Variants in CACNA2D1 observed in about 807,000 individuals in gnomAD.
CACNA2D1 encodes the protein calcium voltage-gated channel auxiliary subunit alpha2delta 1.
In CACNA2D1, 53 loss-of-function variants were observed where a neutral mutation model predicts 171.5. That is an observed-to-expected ratio of 0.31 (90% confidence interval 0.25 to 0.39). CACNA2D1 has a LOEUF of 0.39. Among genes scored for constraint, CACNA2D1 ranks in the 10% least tolerant of loss-of-function variants. The pLI is 1.00. For synonymous variants in CACNA2D1, 442 were observed against 443.1 expected, an observed-to-expected ratio of 1.00 and a Z score of 0.03; for missense variants, 903 against 1,299.8, an observed-to-expected ratio of 0.69 and a Z score of 4.69.
At chr7:82,222,328 C>T (rs531546337) in intron 3 of CACNA2D1, among the ~76,000 whole-genome samples, 1 of 152,304 alleles carries the variant, frequency 6.6e-6, no homozygotes, top group East Asian at 1.9e-4. Context: ...GAGACCGGGG[C>T]AGCCAGAAAG....
intron 4 of CACNA2D1, among the ~76,000 whole-genome samples, chr7:82,146,463 A>AAGATATGTATTT (rs1563116492): frequency 8.3e-6 from 1 of 120,326 alleles, no homozygotes; most frequent in Non-Finnish European, 1.8e-5. Flanking sequence ...GATATATATA[A>AAGATATGTATTT]ATATATATCT....
chr7:82,332,241 T>C (rs1195696765), intron 3 of CACNA2D1, among the ~76,000 whole-genome samples: 1 of 152,066 alleles, frequency 6.6e-6, no homozygotes, highest in Non-Finnish European at 1.5e-5. Context: ...TTTGTATTTT[T>C]AGTAAACACG....
chr7:82,191,234 G>C (rs1563180783), intron 3 of CACNA2D1, among the ~76,000 whole-genome samples: 1 of 151,680 alleles, frequency 6.6e-6, no homozygotes, highest in Non-Finnish European at 1.5e-5. Context: ...TACATTTATT[G>C]ATTGTACTTT....
chr7:82,041,308 G>A (rs1413719669), intron 10 of CACNA2D1, among the ~76,000 whole-genome samples: 1 of 152,148 alleles, frequency 6.6e-6, no homozygotes, highest in Non-Finnish European at 1.5e-5. Context: ...AGGGACAGAT[G>A]GATCCAGGTG....
intron 3 of CACNA2D1, among the ~76,000 whole-genome samples, chr7:82,210,570 A>T (rs1005484615): frequency 6.6e-5 from 10 of 152,084 alleles, no homozygotes; most frequent in Non-Finnish European, 8.8e-5. Flanking sequence ...TTCAGAGGTT[A>T]CTGGAAATTG....
chr7:82,245,998 T>C (rs1191242167), intron 3 of CACNA2D1, among the ~76,000 whole-genome samples: 3 of 152,086 alleles, frequency 2.0e-5, no homozygotes, highest in Non-Finnish European at 4.4e-5. Flanking sequence ...AGATCATTTG[T>C]ATTCTGTCAT....
intron 7 of CACNA2D1, among the ~76,000 whole-genome samples, chr7:82,077,759 T>TAA (rs10596724): frequency 0.29 from 41,770 of 144,906 alleles, 6,215 homozygotes; most frequent in African/African-American, 0.36. Context: ...AATGTTAAAG[T>TAA]AAAAAAAAAA....
At chr7:82,092,445 C>G (rs1458666149) in intron 6 of CACNA2D1, among the ~76,000 whole-genome samples, 1 of 151,708 alleles carries the variant, frequency 6.6e-6, no homozygotes, top group South Asian at 2.1e-4. Context: ...AATCTAGGCT[C>G]ACTGCCAAGC....
intron 3 of CACNA2D1, among the ~76,000 whole-genome samples, chr7:82,189,063 G>T (rs1387737446): frequency 6.6e-6 from 1 of 151,932 alleles, no homozygotes; most frequent in South Asian, 2.1e-4. Flanking sequence ...AGTACCTACT[G>T]GGTGCTATGC....
chr7:82,348,581 C>CAA (rs34483595), intron 2 of CACNA2D1, among the ~76,000 whole-genome samples: 2,732 of 152,254 alleles, frequency 0.018, 111 homozygotes, highest in African/African-American at 0.062. Flanking sequence ...GTTTGTTCAA[C>CAA]ACTCTCTACA....
At chr7:82,161,257 A>G (rs555574501) in intron 4 of CACNA2D1, among the ~76,000 whole-genome samples, 3 of 152,036 alleles carry the variant, frequency 2.0e-5, no homozygotes, top group Admixed American at 1.3e-4. Context: ...AAAGAAAGAC[A>G]TGAGGGAAGG....
At chr7:82,042,997 T>C (rs914520298) in intron 10 of CACNA2D1, among the ~76,000 whole-genome samples, 17 of 152,196 alleles carry the variant, frequency 1.1e-4, no homozygotes, top group African/African-American at 4.1e-4. Flanking sequence ...TTTCTGTACT[T>C]GGCATGTAAT....
intron 24 of CACNA2D1, among the ~76,000 whole-genome samples, chr7:81,975,780 C>G (rs1425368453): frequency 6.7e-6 from 1 of 150,178 alleles, no homozygotes; most frequent in Non-Finnish European, 1.5e-5. Flanking sequence ...TTATCTTCAA[C>G]TAAGTAAGTA....
chr7:82,187,153 C>T, intron 3 of CACNA2D1, among the ~76,000 whole-genome samples: 1 of 152,062 alleles, frequency 6.6e-6, no homozygotes, highest in East Asian at 1.9e-4. Context: ...TTTGAATTGG[C>T]AAATACTAAA....
At chr7:82,169,960 T>C (rs1214138665) in intron 4 of CACNA2D1, among the ~76,000 whole-genome samples, 2 of 151,950 alleles carry the variant, frequency 1.3e-5, no homozygotes, top group Admixed American at 6.6e-5. Flanking sequence ...CTAGTAACTC[T>C]TAGTTCATAA....
chr7:82,249,512 C>T (rs1585218398), intron 3 of CACNA2D1, among the ~76,000 whole-genome samples: 1 of 152,174 alleles, frequency 6.6e-6, no homozygotes, highest in East Asian at 1.9e-4. Flanking sequence ...TAAAGAAAGA[C>T]ATTTCCTTGG....
At chr7:82,394,216 C>T (rs1825527930) in intron 1 of CACNA2D1, among the ~76,000 whole-genome samples, 1 of 152,018 alleles carries the variant, frequency 6.6e-6, no homozygotes, top group South Asian at 2.1e-4. Context: ...CATTTTAAAT[C>T]ACAATCGAGT....
At chr7:82,078,729 C>A (rs1271682917) in intron 7 of CACNA2D1, among the ~76,000 whole-genome samples, 1 of 152,094 alleles carries the variant, frequency 6.6e-6, no homozygotes, top group Non-Finnish European at 1.5e-5. Context: ...CTTTAGAAAT[C>A]ATTTTGTTCA....
intron 3 of CACNA2D1, among the ~76,000 whole-genome samples, chr7:82,299,395 T>G (rs752210343): frequency 9.9e-5 from 15 of 152,060 alleles, no homozygotes; most frequent in Non-Finnish European, 1.9e-4. Context: ...GTGCGGTGGC[T>G]CACGTCTGTA....
Sources: allele counts gnomAD v4.1 joint callset (sites outside exome capture counted in the v4.1 genomes callset), GRCh38; gene constraint gnomAD v4.1.1; transcripts MANE v1.5; gene names NCBI Gene and HGNC (gene_info 2026-07-23, HGNC 2026-07-21).